Variants in LINGO2 observed in about 807,000 individuals in gnomAD.
The protein encoded by LINGO2 is leucine-rich repeat and immunoglobulin-like domain-containing nogo receptor-interacting protein 2.
LINGO2 carries 14 observed loss-of-function variants against 30.6 expected under a neutral mutation model. The observed-to-expected ratio is 0.46, with a 90% CI of 0.30 to 0.72. The LOEUF (loss-of-function observed/expected upper bound fraction) is 0.72. Among genes scored for constraint, LINGO2 ranks in the 30% least tolerant of loss-of-function variants. The pLI, the probability that LINGO2 is intolerant of heterozygous loss-of-function variation, is 0.07. For missense variants in LINGO2, 729 were observed against 751.7 expected, an observed-to-expected ratio of 0.97 and a Z score of 0.35; for synonymous variants, 317 against 288.5, an observed-to-expected ratio of 1.10 and a Z score of -1.00.
intron 2 of LINGO2, among the ~76,000 whole-genome samples, chr9:28,392,787 A>G (rs1052135805): frequency 1.3e-5 from 2 of 152,200 alleles, no homozygotes; most frequent in African/African-American, 4.8e-5. Context: ...GGGGCTTGTT[A>G]TGAATAACAA....
chr9:28,197,457 C>A lies in LINGO2; in HGVS notation c.-87+97751G>T, dbSNP rs183182900. On this transcript the variant is annotated intron_variant, in intron 4 of 5. Coordinates refer to ENST00000379992, the Ensembl canonical transcript of LINGO2. ...AGTGAATATAATAAAGATGGCATTT[C>A]AATTCACTAGGGAAGGCATAAATTG... Among the ~76,000 whole-genome samples, 528 of 151,876 alleles carry A rather than the reference C, an allele frequency of 3.5e-3. 2 individuals are homozygous for A. Among genetic ancestry groups the A allele is most frequent in the African/African-American group, 0.012 (511 of 41,466 alleles).
chr9:28,337,827 T>C (rs539982778), intron 3 of LINGO2, among the ~76,000 whole-genome samples: 2 of 152,166 alleles, frequency 1.3e-5, no homozygotes, highest in South Asian at 4.2e-4. Flanking sequence ...TCAGAGGATG[T>C]ATGGAAATGC....
intron 2 of LINGO2, among the ~76,000 whole-genome samples, chr9:28,378,150 A>G (rs1432437761): frequency 1.3e-5 from 2 of 152,192 alleles, no homozygotes; most frequent in African/African-American, 4.8e-5. Flanking sequence ...TACAAACGCA[A>G]TTGTAGATAA....
chr9:29,157,299 G>A, the LINGO2 span, among the ~76,000 whole-genome samples: 41 of 152,116 alleles, frequency 2.7e-4, no homozygotes, highest in African/African-American at 8.9e-4. Flanking sequence ...ACATAAGTAC[G>A]GTGTTCTACA....
At chr9:28,162,001 G>T (rs1357102476) in intron 4 of LINGO2, among the ~76,000 whole-genome samples, 1 of 151,918 alleles carries the variant, frequency 6.6e-6, no homozygotes, top group African/African-American at 2.4e-5. Flanking sequence ...AGACATCCAG[G>T]AGGCACTGAA....
chr9:28,251,810 T>A (rs968956904), intron 4 of LINGO2, among the ~76,000 whole-genome samples: 1 of 152,116 alleles, frequency 6.6e-6, no homozygotes, highest in Non-Finnish European at 1.5e-5. Flanking sequence ...AGGAATATTA[T>A]GTGATAATTA....
chr9:28,590,091 T>A (rs937835301), intron 1 of LINGO2, among the ~76,000 whole-genome samples: 5 of 152,258 alleles, frequency 3.3e-5, no homozygotes, highest in African/African-American at 9.6e-5. Flanking sequence ...CTGGGAAAAC[T>A]GGCTAGCCAT....
chr9:28,910,740 C>T, the LINGO2 span, among the ~76,000 whole-genome samples: 1 of 152,076 alleles, frequency 6.6e-6, no homozygotes, highest in Non-Finnish European at 1.5e-5. Flanking sequence ...GCCTGAAGAA[C>T]CATGAACCAA....
upstream of LINGO2, among the ~76,000 whole-genome samples, chr9:28,675,108 A>G (rs539253225): frequency 6.6e-6 from 1 of 152,302 alleles, no homozygotes; most frequent in African/African-American, 2.4e-5. Flanking sequence ...TGCTTTAAAA[A>G]CATTATTTAA....
chr9:28,765,741 C>T, the LINGO2 span, among the ~76,000 whole-genome samples: 278 of 152,082 alleles, frequency 1.8e-3, 4 homozygotes, highest in African/African-American at 6.6e-3. Context: ...AACTTCCCAG[C>T]CTACAGAATC....
the LINGO2 span, among the ~76,000 whole-genome samples, chr9:28,675,555 TAA>T: frequency 6.6e-6 from 1 of 152,022 alleles, no homozygotes; most frequent in Non-Finnish European, 1.5e-5. Flanking sequence ...AAATTAATAT[TAA>T]GTTTTAAATA....
intron 3 of LINGO2, among the ~76,000 whole-genome samples, chr9:28,344,801 C>T (rs1819502218): frequency 6.6e-6 from 1 of 152,018 alleles, no homozygotes; most frequent in Non-Finnish European, 1.5e-5. Context: ...TCCCATTGTC[C>T]ATCATTTAGC....
At chr9:29,160,484 TAA>T in the LINGO2 span, among the ~76,000 whole-genome samples, 4 of 152,218 alleles carry the variant, frequency 2.6e-5, no homozygotes, top group Non-Finnish European at 5.9e-5. Context: ...CTAAAATTAA[TAA>T]GTGACCATTA....
At chr9:28,294,827 A>C (rs1022930640) in intron 4 of LINGO2, among the ~76,000 whole-genome samples, 1 of 152,198 alleles carries the variant, frequency 6.6e-6, no homozygotes, top group African/African-American at 2.4e-5. Flanking sequence ...CCATGAACTG[A>C]TATTCACTTC....
chr9:28,561,576 T>TAATGTATTTAGATATAATAC (rs1432493646), intron 1 of LINGO2, among the ~76,000 whole-genome samples: 18 of 145,934 alleles, frequency 1.2e-4, no homozygotes, highest in African/African-American at 4.0e-4. Context: ...ATATATAATA[T>TAATGTATTTAGATATAATAC]AATGTGTTTA....
intron 3 of LINGO2, among the ~76,000 whole-genome samples, chr9:28,303,016 T>G (rs1055015700): frequency 6.6e-6 from 1 of 152,172 alleles, no homozygotes; most frequent in African/African-American, 2.4e-5. Context: ...ATGCTCTGTA[T>G]GTCATTTGTC....
chr9:28,117,751 G>A (rs982979764), intron 4 of LINGO2, among the ~76,000 whole-genome samples: 1 of 147,370 alleles, frequency 6.8e-6, no homozygotes, highest in Non-Finnish European at 1.5e-5. Context: ...GTGAGGCAAT[G>A]CCTTGCCCTG....
the LINGO2 span, among the ~76,000 whole-genome samples, chr9:28,850,694 G>T: frequency 6.6e-6 from 1 of 152,026 alleles, no homozygotes; most frequent in Non-Finnish European, 1.5e-5. Context: ...TCTGCCAGTG[G>T]CTATGGCCCA....
intron 2 of LINGO2, among the ~76,000 whole-genome samples, chr9:28,435,245 T>C (rs978165220): frequency 1.4e-4 from 22 of 152,314 alleles, no homozygotes; most frequent in African/African-American, 5.3e-4. Flanking sequence ...TACTGTAAAG[T>C]AATTCAAGTC....
Sources: allele counts gnomAD v4.1 joint callset (sites outside exome capture counted in the v4.1 genomes callset), GRCh38; gene constraint gnomAD v4.1.1; transcripts MANE v1.5; gene names NCBI Gene and HGNC (gene_info 2026-07-23, HGNC 2026-07-21).